CSRNP3: variants seen among roughly 807,000 people sequenced by gnomAD.
The protein encoded by CSRNP3 is cysteine/serine-rich nuclear protein 3.
Under a neutral mutation model 48.0 loss-of-function variants are expected in CSRNP3, and 12 were observed. That is an observed-to-expected ratio of 0.25 (90% CI 0.16 to 0.41). The LOEUF is 0.41. Among genes scored for constraint, CSRNP3 ranks in the 10% least tolerant of loss-of-function variants. The probability of loss-of-function intolerance (pLI) is 1.00; values close to 1 mark genes in which losing one functional copy is unlikely to be tolerated. For synonymous variants in CSRNP3, 263 were observed against 269.7 expected, an observed-to-expected ratio of 0.98 and a Z score of 0.24; for missense variants, 580 against 724.4, an observed-to-expected ratio of 0.80 and a Z score of 2.29.
At chr2:165,629,799 G>T (rs1030980291) in intron 4 of CSRNP3, among the ~76,000 whole-genome samples, 16 of 152,256 alleles carry the variant, frequency 1.1e-4, no homozygotes, top group Admixed American at 9.2e-4. Context: ...AATCCTATTT[G>T]ATCTCCCTGC....
intron 5 of CSRNP3, among the ~76,000 whole-genome samples, chr2:165,667,675 T>C (rs1840250): frequency 0.67 from 102,263 of 152,032 alleles, 35,616 homozygotes; most frequent in South Asian, 0.77. Flanking sequence ...ACATTTTTGG[T>C]TTGAAGGTTT....
chr2:165,513,896 G>A (rs969550675), intron 2 of CSRNP3, among the ~76,000 whole-genome samples: 18 of 152,260 alleles, frequency 1.2e-4, no homozygotes, highest in African/African-American at 4.3e-4. Flanking sequence ...AATATTGAAG[G>A]AATTTCCACA....
In CSRNP3 at chr2:165,685,636, CTACTTTCTTTTACTTGTGA is replaced by C. The variant is rs1235800934; in HGVS notation, c.*5886_*5904del. 6.6e-6 allele frequency: 1 copy of C among 152,054 alleles called. No homozygotes were observed. Among genetic ancestry groups the C allele is most frequent in the Non-Finnish European group, 1.5e-5 (1 of 67,972 alleles). 9.4% of individuals were successfully genotyped at this position (152,054 alleles called of 1,614,324 possible). On this transcript the variant is annotated 3_prime_UTR_variant, in exon 7 of 7. Transcript: ENST00000651982. ...TCAAAGATGTAAGTCACGTTGGTGA[CTACTTTCTTTTACTTGTGA>C]TAAATATATCACTATACAGGGTAAT...
At chr2:165,573,221 C>T (rs1685399137) in intron 3 of CSRNP3, among the ~76,000 whole-genome samples, 1 of 151,904 alleles carries the variant, frequency 6.6e-6, no homozygotes, top group African/African-American at 2.4e-5. Flanking sequence ...GATTATTGCA[C>T]AAAACCTTTT....
chr2:165,568,459 G>A (rs1015038704), intron 3 of CSRNP3, among the ~76,000 whole-genome samples: 36 of 152,012 alleles, frequency 2.4e-4, no homozygotes, highest in Non-Finnish European at 4.9e-4. Context: ...TTGTTTCTGG[G>A]CTTTTCCCAA....
chr2:165,603,004 T>A (rs1207930982), intron 4 of CSRNP3, among the ~76,000 whole-genome samples: 3 of 152,100 alleles, frequency 2.0e-5, no homozygotes, highest in Non-Finnish European at 4.4e-5. Context: ...CACGCCATTC[T>A]CCTGCCTCAG....
chr2:165,584,401 G>A (rs1685594863), intron 3 of CSRNP3, among the ~76,000 whole-genome samples: 1 of 152,130 alleles, frequency 6.6e-6, no homozygotes, highest in African/African-American at 2.4e-5. Flanking sequence ...AAGCAGCTGA[G>A]GCTAGGATCA....
At chr2:165,608,797 A>G (rs1262114177) in intron 4 of CSRNP3, among the ~76,000 whole-genome samples, 1 of 151,766 alleles carries the variant, frequency 6.6e-6, no homozygotes, top group Non-Finnish European at 1.5e-5. Context: ...ATTAAAAAAA[A>G]AAAAAGTGCC....
intron 3 of CSRNP3, among the ~76,000 whole-genome samples, chr2:165,553,661 T>C (rs549219511): frequency 1.3e-5 from 2 of 152,174 alleles, no homozygotes; most frequent in Non-Finnish European, 2.9e-5. Context: ...AAAAGCAGAA[T>C]AGAACTTCCA....
At chr2:165,592,687 C>A (rs1429876189) in intron 3 of CSRNP3, among the ~76,000 whole-genome samples, 2 of 152,036 alleles carry the variant, frequency 1.3e-5, no homozygotes, top group African/African-American at 4.8e-5. Context: ...TTTCTTGGAA[C>A]TTCTCTCTTC....
chr2:165,572,238 C>T (rs1685384617), intron 3 of CSRNP3: 1 of 152,060 alleles, frequency 6.6e-6, no homozygotes, highest in South Asian at 2.1e-4. Context: ...ATTCCTTCCT[C>T]CTAGTAGACC....
At chr2:165,607,683 G>A (rs1159388739) in intron 4 of CSRNP3, among the ~76,000 whole-genome samples, 1 of 152,114 alleles carries the variant, frequency 6.6e-6, no homozygotes, top group Non-Finnish European at 1.5e-5. Flanking sequence ...GAACCATTGT[G>A]AAAGAAAAAT....
At chr2:165,577,121 C>T (rs1233502801) in intron 3 of CSRNP3, among the ~76,000 whole-genome samples, 2 of 150,892 alleles carry the variant, frequency 1.3e-5, no homozygotes, top group Non-Finnish European at 3.0e-5. Flanking sequence ...ATTTGTTCTC[C>T]TGAAATTCTG....
chr2:165,558,838 A>G (rs1292059524), intron 3 of CSRNP3, among the ~76,000 whole-genome samples: 1 of 152,216 alleles, frequency 6.6e-6, no homozygotes, highest in East Asian at 1.9e-4. Context: ...CAATCTTTGC[A>G]TCTCCAAAGG....
rs765882232 is a variant in CSRNP3 at position 165,679,780 on chromosome 2, C to A, written c.*27C>A. On this transcript the variant is annotated 3_prime_UTR_variant, in exon 7 of 7. Transcript: ENST00000651982. The stretch of plus-strand genomic sequence containing the variant: ...AGCTTAAATTATTCTAGGACCAACT[C>A]TTCTCTTATTTAAGGCACTGTATTT... The A allele has an allele frequency of 9.4e-6, 15 of 1,588,782 alleles. No individual in the cohort carries two copies. The East Asian group carries it at 2.5e-4, about 26-fold the overall frequency.
chr2:165,654,831 T>G (rs867292072), intron 4 of CSRNP3, among the ~76,000 whole-genome samples: 1 of 152,184 alleles, frequency 6.6e-6, no homozygotes, highest in Non-Finnish European at 1.5e-5. Flanking sequence ...GATTTCACCA[T>G]GTTAGCCAGG....
rs75120218 is a variant in CSRNP3 at position 165,496,205 on chromosome 2, G to A, written c.-113+1277G>A. ...AACTTTTAGAAAGTATTAAAAAAGT[G>A]AGGAGGAGATAAAAACACTTGCGAG... On this transcript the variant is annotated intron_variant, in intron 2 of 6. Coordinates refer to ENST00000651982, the MANE Select transcript of CSRNP3 (RefSeq NM_001172173.2). 2.0e-3 allele frequency among the ~76,000 whole-genome samples: 306 copies of A among 152,072 alleles called. 6 individuals are homozygous for A. The East Asian group carries it at 0.052, about 26-fold the overall frequency.
At chr2:165,590,606 G>C (rs1685700944) in intron 3 of CSRNP3, among the ~76,000 whole-genome samples, 1 of 152,174 alleles carries the variant, frequency 6.6e-6, no homozygotes, top group Admixed American at 6.5e-5. Flanking sequence ...CCCGGTGGGA[G>C]GTAATTGAAT....
chr2:165,639,350 C>G (rs1041092642), intron 4 of CSRNP3, among the ~76,000 whole-genome samples: 6 of 152,140 alleles, frequency 3.9e-5, no homozygotes, highest in African/African-American at 1.4e-4. Context: ...TGGGACAACT[C>G]AATTTTTCAC....
Sources: allele counts gnomAD v4.1 joint callset (sites outside exome capture counted in the v4.1 genomes callset), GRCh38; gene constraint gnomAD v4.1.1; transcripts MANE v1.5; gene names NCBI Gene and HGNC (gene_info 2026-07-23, HGNC 2026-07-21).